CMKLR1: variants seen among roughly 807,000 people sequenced by gnomAD.
CMKLR1 encodes chemerin-like receptor 1.
Under a neutral mutation model 8.2 loss-of-function variants are expected in CMKLR1, and 6 were observed. The ratio of observed to expected loss-of-function variants is 0.73; its 90% confidence interval spans 0.40 to 1.44. The LOEUF (loss-of-function observed/expected upper bound fraction) is 1.44. Among genes scored for constraint, CMKLR1 ranks in the 40% most tolerant of loss-of-function variants. The probability of loss-of-function intolerance (pLI) is 0.02; values close to 1 mark genes in which losing one functional copy is unlikely to be tolerated. For missense variants in CMKLR1, 429 were observed against 478.0 expected (o/e 0.90, Z 0.96); for synonymous variants, 178 against 181.2 (o/e 0.98, Z 0.14).
chr12:108,303,266 G>T (rs909368894), intron 2 of CMKLR1, among the ~76,000 whole-genome samples: 7 of 152,230 alleles, frequency 4.6e-5, no homozygotes, highest in Admixed American at 1.3e-4. Context: ...CTGGGGGTGG[G>T]ATGGTCACCA....
intron 2 of CMKLR1, among the ~76,000 whole-genome samples, chr12:108,302,090 G>T (rs1345816287): frequency 6.6e-6 from 1 of 152,180 alleles, no homozygotes; most frequent in Admixed American, 6.5e-5. Context: ...ACAGGACAAT[G>T]GGCAAATGAT....
At chr12:108,327,313 A>G (rs1892001805) in intron 2 of CMKLR1, among the ~76,000 whole-genome samples, 2 of 152,026 alleles carry the variant, frequency 1.3e-5, no homozygotes, top group South Asian at 4.2e-4. Context: ...CCCTGTCTCT[A>G]TGAAACATTT....
At chr12:108,298,666 C>T (rs1189455377) in intron 2 of CMKLR1, among the ~76,000 whole-genome samples, 1 of 152,144 alleles carries the variant, frequency 6.6e-6, no homozygotes, top group Non-Finnish European at 1.5e-5. Flanking sequence ...CACCAGAGAC[C>T]ACATCATTCA....
intron 2 of CMKLR1, among the ~76,000 whole-genome samples, chr12:108,321,623 G>C (rs771637836): frequency 2.6e-5 from 4 of 152,100 alleles, no homozygotes; most frequent in Non-Finnish European, 5.9e-5. Context: ...CTCAGGCTCT[G>C]CTTCAGGGAA....
chr12:108,317,117 T>A (rs903776083), intron 2 of CMKLR1, among the ~76,000 whole-genome samples: 4 of 152,260 alleles, frequency 2.6e-5, no homozygotes, highest in Admixed American at 6.5e-5. Context: ...TGTCATTGGT[T>A]GATTTTAACA....
intron 2 of CMKLR1, among the ~76,000 whole-genome samples, chr12:108,323,211 C>G (rs1398433764): frequency 2.0e-5 from 3 of 152,224 alleles, no homozygotes; most frequent in Non-Finnish European, 4.4e-5. Flanking sequence ...TTTACCATCA[C>G]CACCACTTCA....
chr12:108,310,953 C>T (rs967187504), intron 2 of CMKLR1, among the ~76,000 whole-genome samples: 3 of 149,482 alleles, frequency 2.0e-5, no homozygotes, highest in African/African-American at 7.4e-5. Context: ...AAGACCGCCC[C>T]CCCACCCCCC....
At chr12:108,316,742 A>C (rs1487623475) in intron 2 of CMKLR1, among the ~76,000 whole-genome samples, 1 of 152,184 alleles carries the variant, frequency 6.6e-6, no homozygotes, top group Non-Finnish European at 1.5e-5. Context: ...GGGGATTTCC[A>C]AAATCCCCAA....
At position 108,289,979 on chromosome 12, in the gene CMKLR1, C is replaced by A. The variant is rs994639578; in HGVS notation, c.*1862G>T. The A allele has an allele frequency of 6.6e-6, 1 of 152,222 alleles. No homozygotes were observed. Among genetic ancestry groups the A allele is most frequent in the African/African-American group, 2.4e-5 (1 of 41,444 alleles). The allele number at this position is 152,222 out of a possible 1,614,324, so 9.4% of individuals were successfully genotyped here. Reference sequence around the variant, plus strand: ...AGAACAGAATGTGGACACTTAGGAGCCAAAGGGCCTCAGGCCCACAAGGGA... The same window carrying A: ...AGAACAGAATGTGGACACTTAGGAGACAAAGGGCCTCAGGCCCACAAGGGA... On this transcript the variant is annotated 3_prime_UTR_variant, in exon 4 of 4. Transcript: ENST00000550402.
At chr12:108,306,368 CCTGA>C (rs960352939) in intron 2 of CMKLR1, among the ~76,000 whole-genome samples, 2 of 150,204 alleles carry the variant, frequency 1.3e-5, no homozygotes, top group Non-Finnish European at 1.5e-5. Context: ...TCAGTCCTCC[CCTGA>C]CTAAGTTCTC....
intron 2 of CMKLR1, among the ~76,000 whole-genome samples, chr12:108,319,667 T>C (rs1183093012): frequency 6.6e-6 from 1 of 152,234 alleles, no homozygotes; most frequent in African/African-American, 2.4e-5. Flanking sequence ...GCCCATGGTA[T>C]GTTCTCAGTA....
In CMKLR1 at chr12:108,292,537, G is replaced by A. The variant is rs1593155742; in HGVS notation, c.426C>T (p.Leu142=). 6.2e-7 allele frequency: 1 copy of A among 1,614,210 alleles called. No individual in the cohort carries two copies. Among genetic ancestry groups the A allele is most frequent in the African/African-American group, 1.3e-5 (1 of 75,046 alleles). Residue 142 remains leucine (L), a synonymous_variant, in exon 4 of 4, where the codon CTC becomes CTT. Coordinates refer to ENST00000550402, the MANE Select transcript of CMKLR1 (RefSeq NM_001142343.2). Reference sequence around the variant, plus strand: ...GGTGGTTCTGGGACCAGACAGGGAGGAGCACAGAGATGCAGCGGTCAGAGC... The same window carrying A: ...GGTGGTTCTGGGACCAGACAGGGAGAAGCACAGAGATGCAGCGGTCAGAGC... ...IISSDRCISV[L]LPVWSQNHRS... is the part of the protein sequence containing the mutation.
intron 2 of CMKLR1, among the ~76,000 whole-genome samples, chr12:108,300,382 C>T (rs1891236591): frequency 6.6e-6 from 1 of 152,184 alleles, no homozygotes; most frequent in African/African-American, 2.4e-5. Context: ...AAAAGTAGTA[C>T]AGAGAAGTTC....
chr12:108,306,987 A>G (rs1365487197), intron 2 of CMKLR1, among the ~76,000 whole-genome samples: 1 of 152,088 alleles, frequency 6.6e-6, no homozygotes, highest in Non-Finnish European at 1.5e-5. Flanking sequence ...AGCCCTAAGT[A>G]TCTTCCCAGC....
chr12:108,293,637 AT>A lies in CMKLR1; in HGVS notation c.-47del. On this transcript the variant is annotated 5_prime_UTR_variant, in exon 3 of 4. An upstream open reading frame in the 5' UTR loses its in-frame stop. Transcript: ENST00000550402. ...GCTCTCCAATGTGAGTCCTCAGCCA[AT>A]CAGTCCCTGTACACAGCTAGAAACA... The A allele has an allele frequency of 6.5e-7, 1 of 1,546,884 alleles. No individual in the cohort carries two copies. Among genetic ancestry groups the A allele is most frequent in the East Asian group, 2.4e-5 (1 of 40,858 alleles).
At chr12:108,325,351 C>T (rs1891957587) in intron 2 of CMKLR1, among the ~76,000 whole-genome samples, 3 of 152,138 alleles carry the variant, frequency 2.0e-5, no homozygotes, top group Admixed American at 1.3e-4. Context: ...TTACTAAATC[C>T]ACATCGTGGC....
chr12:108,310,187 G>GTGTA (rs1555252654), intron 2 of CMKLR1, among the ~76,000 whole-genome samples: 9 of 151,830 alleles, frequency 5.9e-5, no homozygotes, highest in African/African-American at 2.2e-4. Flanking sequence ...GTGTGTGTGT[G>GTGTA]TGTGTGTGTG....
intron 1 of CMKLR1, among the ~76,000 whole-genome samples, chr12:108,331,314 C>G (rs551068746): frequency 6.6e-6 from 1 of 152,162 alleles, no homozygotes; most frequent in Non-Finnish European, 1.5e-5. Flanking sequence ...AGTGCAGGGA[C>G]GTGAACGCAG....
At chr12:108,331,227 C>T (rs1175699943) in intron 1 of CMKLR1, among the ~76,000 whole-genome samples, 1 of 152,212 alleles carries the variant, frequency 6.6e-6, no homozygotes, top group African/African-American at 2.4e-5. Context: ...ATCCTAACTA[C>T]TACCCTATGT....
Sources: allele counts gnomAD v4.1 joint callset (sites outside exome capture counted in the v4.1 genomes callset), GRCh38; gene constraint gnomAD v4.1.1; transcripts MANE v1.5; gene names NCBI Gene and HGNC (gene_info 2026-07-23, HGNC 2026-07-21).